MACROD2: variants seen among roughly 807,000 people sequenced by gnomAD.
MACROD2 encodes the protein mono-ADP ribosylhydrolase 2, also known as ADP-ribose glycohydrolase MACROD2.
In MACROD2, 36 loss-of-function variants were observed where a neutral mutation model predicts 70.4. The ratio of observed to expected loss-of-function variants is 0.51; its 90% CI spans 0.39 to 0.68. The LOEUF (loss-of-function observed/expected upper bound fraction) is 0.68. Ranked by LOEUF, MACROD2 falls within the 30% of genes least tolerant of loss-of-function variation. The pLI is 0.00. For missense variants in MACROD2, 496 were observed against 538.4 expected (o/e 0.92, Z 0.78); for synonymous variants, 172 against 178.8 (o/e 0.96, Z 0.30).
chr20:15,589,807 T>C (rs1400354313), intron 8 of MACROD2, among the ~76,000 whole-genome samples: 3 of 152,208 alleles, frequency 2.0e-5, no homozygotes, highest in Non-Finnish European at 4.4e-5. Context: ...ATTTTGTGAA[T>C]ATGCATTTTA....
At chr20:14,412,431 A>C (rs956611754) in intron 3 of MACROD2, among the ~76,000 whole-genome samples, 13 of 81,656 alleles carry the variant, frequency 1.6e-4, no homozygotes, top group South Asian at 1.1e-3. Context: ...TAGGAGCCAC[A>C]GAAGAGTTTG....
intron 6 of MACROD2, among the ~76,000 whole-genome samples, chr20:15,300,266 A>T (rs140776944): frequency 2.4e-4 from 36 of 152,350 alleles, no homozygotes; most frequent in African/African-American, 7.7e-4. Flanking sequence ...CCTTGCAAAG[A>T]TGCTCATTGT....
intron 5 of MACROD2, among the ~76,000 whole-genome samples, chr20:15,000,453 C>G (rs1489551709): frequency 7.4e-6 from 1 of 135,352 alleles, no homozygotes; most frequent in Non-Finnish European, 1.5e-5. Flanking sequence ...GAAACCCCGT[C>G]TCTACTAAAA....
chr20:15,617,312 A>G (rs564327422), intron 8 of MACROD2, among the ~76,000 whole-genome samples: 285 of 152,294 alleles, frequency 1.9e-3, no homozygotes, highest in Middle Eastern at 6.8e-3. Flanking sequence ...GGATGGGGGA[A>G]AAATTTGATT....
intron 8 of MACROD2, among the ~76,000 whole-genome samples, chr20:15,558,630 C>T (rs1273645238): frequency 1.3e-5 from 2 of 152,068 alleles, no homozygotes; most frequent in African/African-American, 4.8e-5. Context: ...TCCCCCTTTC[C>T]CTTATCTTTT....
At chr20:14,419,468 A>G (rs2083851856) in intron 3 of MACROD2, among the ~76,000 whole-genome samples, 1 of 152,210 alleles carries the variant, frequency 6.6e-6, no homozygotes, top group South Asian at 2.1e-4. Flanking sequence ...CTACCTCCTC[A>G]GACTGCTGGG....
rs1464404890 is a variant in MACROD2, at chr20:16,035,132, T to A, written c.1154-6069T>A. 4.3e-3 allele frequency among the ~76,000 whole-genome samples: 7 copies of A among 1,644 alleles called. 1 individual carries two copies. The highest frequency in any genetic ancestry group is 0.024 in the Admixed American group (1 of 42). 1.1% of individuals were successfully genotyped at this position (1,644 alleles called of 152,430 possible). On this transcript the variant is annotated intron_variant, in intron 15 of 17. Coordinates refer to ENST00000684519, the MANE Select transcript of MACROD2 (RefSeq NM_001351661.2). Reference sequence around the variant, plus strand: ...ATATAAAATATAATATAAAATATTATATATTATATATTATATATAAAATAT... The same window carrying A: ...ATATAAAATATAATATAAAATATTAAATATTATATATTATATATAAAATAT...
chr20:14,855,588 T>A (rs953356455), intron 5 of MACROD2, among the ~76,000 whole-genome samples: 4 of 140,738 alleles, frequency 2.8e-5, no homozygotes, highest in African/African-American at 1.0e-4. Flanking sequence ...ATTTTAGTGA[T>A]CCTACCAAGT....
At chr20:14,453,080 T>C (rs1276725222) in intron 3 of MACROD2, among the ~76,000 whole-genome samples, 1 of 152,182 alleles carries the variant, frequency 6.6e-6, no homozygotes, top group Non-Finnish European at 1.5e-5. Flanking sequence ...GGAAATGTGC[T>C]GGAATGTGGA....
intron 4 of MACROD2, among the ~76,000 whole-genome samples, chr20:14,524,506 C>T (rs2085207133): frequency 6.9e-6 from 1 of 145,928 alleles, no homozygotes; most frequent in Admixed American, 7.1e-5. Context: ...TGGAATCTCA[C>T]TTTTGTTTTG....
At chr20:14,588,483 C>T (rs1825855764) in intron 4 of MACROD2, among the ~76,000 whole-genome samples, 1 of 152,066 alleles carries the variant, frequency 6.6e-6, no homozygotes, top group South Asian at 2.1e-4. Context: ...TAGTTCTTTT[C>T]TGGCTTTGTA....
At chr20:15,556,605 A>G (rs563458261) in intron 8 of MACROD2, among the ~76,000 whole-genome samples, 30 of 152,352 alleles carry the variant, frequency 2.0e-4, no homozygotes, top group Admixed American at 3.9e-4. Context: ...ATATGTTACA[A>G]TGTACTTCAC....
At chr20:15,988,548 T>A (rs1356341899) in intron 15 of MACROD2, among the ~76,000 whole-genome samples, 1 of 152,098 alleles carries the variant, frequency 6.6e-6, no homozygotes, top group Non-Finnish European at 1.5e-5. Flanking sequence ...GTTTCCCTTC[T>A]CCCAGAGCCT....
At chr20:14,865,177 G>T (rs2073414939) in intron 5 of MACROD2, among the ~76,000 whole-genome samples, 1 of 152,064 alleles carries the variant, frequency 6.6e-6, no homozygotes, top group African/African-American at 2.4e-5. Context: ...ATTGTCAGGA[G>T]ATTAGAGGGC....
intron 3 of MACROD2, among the ~76,000 whole-genome samples, chr20:14,397,997 TGCC>T (rs1369799692): frequency 1.3e-5 from 2 of 152,206 alleles, no homozygotes; most frequent in Non-Finnish European, 2.9e-5. Flanking sequence ...TACCTTTCTG[TGCC>T]TGAGTTATTT....
intron 4 of MACROD2, among the ~76,000 whole-genome samples, chr20:14,663,829 A>G (rs1568726991): frequency 1.3e-5 from 2 of 152,060 alleles, no homozygotes; most frequent in Non-Finnish European, 2.9e-5. Flanking sequence ...TATTTGTACA[A>G]ACTCTTGGTC....
At chr20:15,968,797 GTATATATA>G (rs35259261) in intron 13 of MACROD2, among the ~76,000 whole-genome samples, 27,291 of 106,398 alleles carry the variant, frequency 0.26, 3,803 homozygotes, top group Non-Finnish European at 0.32. Context: ...TATATTATGC[GTATATATA>G]TATATATATA....
At chr20:15,419,753 G>A (rs1438028959) in intron 6 of MACROD2, among the ~76,000 whole-genome samples, 2 of 152,156 alleles carry the variant, frequency 1.3e-5, no homozygotes, top group Non-Finnish European at 1.5e-5. Context: ...TGCACTTCCC[G>A]CCTCTTAGTG....
At chr20:15,190,498 AATC>A (rs1354785914) in intron 5 of MACROD2, among the ~76,000 whole-genome samples, 1 of 152,208 alleles carries the variant, frequency 6.6e-6, no homozygotes, top group East Asian at 1.9e-4. Context: ...ATGTATAGGT[AATC>A]ATCAGTCTTT....
Sources: gnomAD v4.1 joint callset for allele counts (sites outside exome capture counted in the v4.1 genomes callset) on GRCh38, gnomAD v4.1.1 for gene constraint, MANE v1.5 for transcripts, NCBI Gene and HGNC (gene_info 2026-07-23, HGNC 2026-07-21) for gene names.